RBPJ: variants seen among roughly 807,000 people sequenced by gnomAD.
The protein encoded by RBPJ is recombining binding protein suppressor of hairless.
In RBPJ, 9 loss-of-function variants were observed where a neutral mutation model predicts 67.8. That is an observed-to-expected ratio of 0.13 (90% CI 0.08 to 0.23). The LOEUF is 0.23. Among genes scored for constraint, RBPJ ranks in the 10% least tolerant of loss-of-function variants. The pLI is 1.00. For synonymous variants in RBPJ, 198 were observed against 203.3 expected (o/e 0.97, Z 0.22); for missense variants, 305 against 595.6 (o/e 0.51, Z 5.08).
chr4:26,190,022 A>T (rs1173399945), intron 1 of RBPJ, among the ~76,000 whole-genome samples: 1 of 152,252 alleles, frequency 6.6e-6, no homozygotes, highest in African/African-American at 2.4e-5. Context: ...CAAATGGATT[A>T]TACAATACCT....
chr4:26,203,656 C>T (rs1165311719), intron 1 of RBPJ, among the ~76,000 whole-genome samples: 3 of 152,176 alleles, frequency 2.0e-5, no homozygotes, highest in South Asian at 2.1e-4. Context: ...GCCACTGCTG[C>T]TACCTGTGGG....
intron 1 of RBPJ, among the ~76,000 whole-genome samples, chr4:26,356,236 G>A (rs1727359434): frequency 6.6e-6 from 1 of 152,208 alleles, no homozygotes; most frequent in Admixed American, 6.5e-5. Context: ...GCAGCTGTGA[G>A]TACTTTTAGC....
intron 1 of RBPJ, among the ~76,000 whole-genome samples, chr4:26,170,970 G>C (rs915288948): frequency 6.6e-6 from 1 of 152,218 alleles, no homozygotes; most frequent in African/African-American, 2.4e-5. Flanking sequence ...AAGGTGCCAT[G>C]TAGCAGAAAC....
intron 1 of RBPJ, among the ~76,000 whole-genome samples, chr4:26,204,344 A>G (rs1718094384): frequency 6.6e-6 from 1 of 152,190 alleles, no homozygotes; most frequent in African/African-American, 2.4e-5. Context: ...TTGTCCCCAC[A>G]CCAATGAAAG....
At chr4:26,213,390 T>A (rs1489657573) in intron 1 of RBPJ, among the ~76,000 whole-genome samples, 4 of 152,184 alleles carry the variant, frequency 2.6e-5, no homozygotes, top group Non-Finnish European at 4.4e-5. Context: ...TTGTTTGGGT[T>A]TTTTTTCCTC....
chr4:26,263,421 T>C (rs956774216), intron 1 of RBPJ, among the ~76,000 whole-genome samples: 1 of 151,326 alleles, frequency 6.6e-6, no homozygotes, highest in African/African-American at 2.4e-5. Context: ...TGCAGCTATC[T>C]ACCTGGGCAA....
chr4:26,283,832 G>C (rs1410155758), intron 1 of RBPJ, among the ~76,000 whole-genome samples: 1 of 152,008 alleles, frequency 6.6e-6, no homozygotes, highest in Non-Finnish European at 1.5e-5. Flanking sequence ...TTTTAGTAGA[G>C]ACAGAGTTTC....
At chr4:26,394,410 T>C (rs973342626) in intron 2 of RBPJ, among the ~76,000 whole-genome samples, 1 of 151,012 alleles carries the variant, frequency 6.6e-6, no homozygotes, top group Non-Finnish European at 1.5e-5. Context: ...TTTAAGGACG[T>C]CCCAATCTCT....
the RBPJ span, among the ~76,000 whole-genome samples, chr4:26,123,085 G>C: frequency 6.6e-6 from 1 of 152,148 alleles, no homozygotes; most frequent in Non-Finnish European, 1.5e-5. Flanking sequence ...TGTGTCATTA[G>C]GGGAGTTTGT....
chr4:26,295,176 C>G (rs1721823654), intron 1 of RBPJ, among the ~76,000 whole-genome samples: 1 of 151,916 alleles, frequency 6.6e-6, no homozygotes, highest in South Asian at 2.1e-4. Context: ...TACATTTCCT[C>G]CAATGAGAAT....
intron 7 of RBPJ, among the ~76,000 whole-genome samples, chr4:26,428,003 A>G (rs1418549606): frequency 6.6e-6 from 1 of 152,214 alleles, no homozygotes; most frequent in East Asian, 1.9e-4. Context: ...GTTGCGTTAT[A>G]AGCTTTAGAG....
At chr4:26,325,474 C>T (rs993170093) in intron 1 of RBPJ, among the ~76,000 whole-genome samples, 3 of 152,174 alleles carry the variant, frequency 2.0e-5, no homozygotes, top group Admixed American at 2.0e-4. Context: ...GGTTCCAATT[C>T]TGTCTCTGGC....
At position 26,395,456 on chromosome 4, in the gene RBPJ, C is replaced by G. The variant is rs1351983248; in HGVS notation, c.59+9065C>G. 2.6e-5 allele frequency among the ~76,000 whole-genome samples: 4 copies of G among 152,084 alleles called. No individual in the cohort carries two copies. The South Asian group carries it at 6.2e-4, about 24-fold the overall frequency. On this transcript the variant is annotated intron_variant, in intron 2 of 10. Coordinates refer to ENST00000355476, the MANE Select transcript of RBPJ (RefSeq NM_015874.6). ...AAAGTGAGAATCTGCTTCAAAAAAA[C>G]AAAAGAAGAAATGAGCTTTATATCT...
At chr4:26,241,736 TC>T (rs1211105245) in intron 1 of RBPJ, among the ~76,000 whole-genome samples, 2 of 152,068 alleles carry the variant, frequency 1.3e-5, no homozygotes, top group Non-Finnish European at 2.9e-5. Context: ...GGTCTCAAAC[TC>T]CTGGCCTGAA....
upstream of RBPJ, chr4:26,320,657 TC>T (rs1722918497): frequency 1.4e-6 from 2 of 1,415,916 alleles, no homozygotes; most frequent in African/African-American, 2.9e-5. Context: ...TCCTGACCCC[TC>T]CATTCCTCGT....
intron 3 of RBPJ, chr4:26,412,955 C>T (rs978536235): frequency 2.0e-5 from 3 of 152,274 alleles, no homozygotes; most frequent in African/African-American, 7.2e-5. Context: ...GGCCCACTAA[C>T]TTGGCTGTGA....
intron 1 of RBPJ, among the ~76,000 whole-genome samples, chr4:26,214,763 AAAAAAGAG>A (rs1311446878): frequency 1.8e-4 from 10 of 54,126 alleles, no homozygotes; most frequent in East Asian, 2.1e-3. Context: ...AAAAAGAGAG[AAAAAAGAG>A]AAAGAAAGAA....
At chr4:26,319,708 G>A, upstream of RBPJ, 1 of 709,870 alleles carries the variant, frequency 1.4e-6, no homozygotes, top group Non-Finnish European at 2.6e-6. Context: ...TGGACTGCCC[G>A]CATTGGGTAC....
chr4:26,115,123 A>G, the RBPJ span, among the ~76,000 whole-genome samples: 1 of 152,232 alleles, frequency 6.6e-6, no homozygotes. Context: ...TCGGCAAACT[A>G]TAAATCAAGG....
Sources: gnomAD v4.1 joint callset for allele counts (sites outside exome capture counted in the v4.1 genomes callset) on GRCh38, gnomAD v4.1.1 for gene constraint, MANE v1.5 for transcripts, NCBI Gene and HGNC (gene_info 2026-07-23, HGNC 2026-07-21) for gene names.